Variants in TENM3 observed in about 807,000 individuals in gnomAD.
TENM3 encodes the protein teneurin transmembrane protein 3.
In TENM3, 63 loss-of-function variants were observed where a neutral mutation model predicts 255.1. The ratio of observed to expected loss-of-function variants is 0.25; its 90% CI spans 0.20 to 0.30. The LOEUF is 0.30. TENM3 is among the 10% of genes least tolerant of loss of function. TENM3 has a pLI of 1.00. For missense variants in TENM3, 2,929 were observed against 3,461.1 expected (o/e 0.85, Z 3.86); for synonymous variants, 1,306 against 1,322.3 (o/e 0.99, Z 0.27).
chr4:181,804,927 C>T, the TENM3 span, among the ~76,000 whole-genome samples: 1 of 152,054 alleles, frequency 6.6e-6, no homozygotes, highest in Non-Finnish European at 1.5e-5. Context: ...TTTCTCACCC[C>T]TCCCCAATTC....
chr4:181,922,436 T>C, the TENM3 span, among the ~76,000 whole-genome samples: 1 of 152,198 alleles, frequency 6.6e-6, no homozygotes, highest in Non-Finnish European at 1.5e-5. Flanking sequence ...TATTCAGAAA[T>C]TCAACTTCTT....
intron 2 of TENM3, among the ~76,000 whole-genome samples, chr4:182,330,684 A>G (rs1379344910): frequency 6.6e-6 from 1 of 152,242 alleles, no homozygotes; most frequent in South Asian, 2.1e-4. Context: ...CGTCTAAGGA[A>G]GTACTCAAGA....
the TENM3 span, among the ~76,000 whole-genome samples, chr4:181,591,082 G>A: frequency 6.6e-6 from 1 of 152,176 alleles, no homozygotes; most frequent in Non-Finnish European, 1.5e-5. Flanking sequence ...AATCTGCATT[G>A]ACAAACATGT....
At chr4:181,662,164 T>C in the TENM3 span, among the ~76,000 whole-genome samples, 17,889 of 152,254 alleles carry the variant, frequency 0.12, 1,437 homozygotes, top group Non-Finnish European at 0.18. Context: ...CCAGAATGTA[T>C]TTATTTAAAA....
At chr4:182,188,318 G>T (rs1452929802) in intron 1 of TENM3, among the ~76,000 whole-genome samples, 1 of 152,026 alleles carries the variant, frequency 6.6e-6, no homozygotes, top group African/African-American at 2.4e-5. Context: ...GTAGATGAGA[G>T]GATTTGGATG....
the TENM3 span, among the ~76,000 whole-genome samples, chr4:182,066,039 T>C: frequency 6.6e-6 from 1 of 152,200 alleles, no homozygotes; most frequent in Admixed American, 6.5e-5. Context: ...CTGGGTCATA[T>C]AGTAACTCTA....
At chr4:181,493,204 G>A in the TENM3 span, among the ~76,000 whole-genome samples, 1 of 151,612 alleles carries the variant, frequency 6.6e-6, no homozygotes, top group Non-Finnish European at 1.5e-5. Flanking sequence ...GCTAAGGCAG[G>A]TGGATCACTT....
the TENM3 span, among the ~76,000 whole-genome samples, chr4:182,063,691 GA>G: frequency 6.6e-6 from 1 of 152,186 alleles, no homozygotes; most frequent in Non-Finnish European, 1.5e-5. Flanking sequence ...TTGTGAGCAA[GA>G]TATTGTGCTA....
chr4:181,487,115 T>C, the TENM3 span, among the ~76,000 whole-genome samples: 2 of 152,204 alleles, frequency 1.3e-5, no homozygotes, highest in African/African-American at 4.8e-5. Context: ...TAATATACAA[T>C]CTTTGTTCTT....
At chr4:181,879,547 C>T in the TENM3 span, among the ~76,000 whole-genome samples, 1 of 152,124 alleles carries the variant, frequency 6.6e-6, no homozygotes, top group Non-Finnish European at 1.5e-5. Flanking sequence ...TGACACTGCT[C>T]GTAATCTCTT....
chr4:182,233,552 T>G (rs984992349), intron 1 of TENM3, among the ~76,000 whole-genome samples: 6 of 152,246 alleles, frequency 3.9e-5, no homozygotes, highest in Non-Finnish European at 8.8e-5. Flanking sequence ...ATGCTGCTTA[T>G]GGAAGAGGAC....
At chr4:182,438,320 T>C (rs1187716920) in intron 3 of TENM3, among the ~76,000 whole-genome samples, 7 of 152,224 alleles carry the variant, frequency 4.6e-5, no homozygotes, top group Non-Finnish European at 1.0e-4. Flanking sequence ...GTGACCATTA[T>C]TTAAGTAGTC....
intron 1 of TENM3, among the ~76,000 whole-genome samples, chr4:182,167,900 A>G (rs1442926341): frequency 6.6e-6 from 1 of 152,120 alleles, no homozygotes; most frequent in Non-Finnish European, 1.5e-5. Flanking sequence ...ATAAATAAAT[A>G]AGTAAATTCC....
intron 3 of TENM3, among the ~76,000 whole-genome samples, chr4:182,569,387 C>G (rs1171530651): frequency 6.6e-6 from 1 of 151,864 alleles, no homozygotes; most frequent in East Asian, 1.9e-4. Flanking sequence ...AACCCTGTCT[C>G]TACTAAAAAT....
intron 1 of TENM3, among the ~76,000 whole-genome samples, chr4:182,161,089 G>T (rs1751116229): frequency 6.6e-6 from 1 of 151,744 alleles, no homozygotes; most frequent in Non-Finnish European, 1.5e-5. Context: ...GACCAGCCTG[G>T]CCAACGTGGT....
intron 1 of TENM3, among the ~76,000 whole-genome samples, chr4:182,173,000 C>T (rs887062495): frequency 7.2e-5 from 11 of 152,014 alleles, no homozygotes; most frequent in African/African-American, 2.2e-4. Flanking sequence ...AATATGGCTA[C>T]GTGAATGGAC....
chr4:181,996,337 C>A, the TENM3 span, among the ~76,000 whole-genome samples: 1 of 152,206 alleles, frequency 6.6e-6, no homozygotes, highest in Non-Finnish European at 1.5e-5. Flanking sequence ...TTCAGGAAAC[C>A]TCTGGAGCAG....
At chr4:182,170,456 T>A (rs1170426818) in intron 1 of TENM3, among the ~76,000 whole-genome samples, 1 of 152,144 alleles carries the variant, frequency 6.6e-6, no homozygotes, top group African/African-American at 2.4e-5. Context: ...ACAAATTGGT[T>A]TACAAACCCT....
At chr4:182,267,152 T>C (rs1400364726) in intron 1 of TENM3, among the ~76,000 whole-genome samples, 1 of 152,182 alleles carries the variant, frequency 6.6e-6, no homozygotes, top group Non-Finnish European at 1.5e-5. Flanking sequence ...TTGCTTGAAA[T>C]GTTGCTAATC....
Sources: gnomAD v4.1 joint callset for allele counts (sites outside exome capture counted in the v4.1 genomes callset) on GRCh38, gnomAD v4.1.1 for gene constraint, MANE v1.5 for transcripts, NCBI Gene and HGNC (gene_info 2026-07-23, HGNC 2026-07-21) for gene names.